The following DPP6 variants were observed in gnomAD, a reference collection of about 807,000 sequenced individuals.
The protein encoded by DPP6 is dipeptidyl peptidase like 6, also known as A-type potassium channel modulatory protein DPP6.
Under a neutral mutation model 122.6 loss-of-function variants are expected in DPP6, and 69 were observed. The ratio of observed to expected loss-of-function variants is 0.56; its 90% CI spans 0.46 to 0.69. The LOEUF is 0.69. DPP6 is among the 30% of genes least tolerant of loss of function. DPP6 has a pLI of 0.00. For missense variants in DPP6, 928 were observed against 1,116.9 expected (o/e 0.83, Z 2.41); for synonymous variants, 418 against 433.1 (o/e 0.97, Z 0.43).
At chr7:154,807,663 A>C (rs1194546756) in intron 16 of DPP6, among the ~76,000 whole-genome samples, 1 of 152,120 alleles carries the variant, frequency 6.6e-6, no homozygotes, top group Non-Finnish European at 1.5e-5. Flanking sequence ...CTCTACTAAA[A>C]ATACAAAAAT....
At position 154,490,313 on chromosome 7, in the gene DPP6, G is replaced by A. The variant is rs1261048019; in HGVS notation, c.457+15276G>A. On this transcript the variant is annotated intron_variant, in intron 3 of 25. Transcript: ENST00000377770. ...ACACCCCCAGGTGTCTCTTCCCCCG[G>A]CTCCCTCGTGCTCTCTCAAGATCAG... Among the ~76,000 whole-genome samples, 6 of 152,304 alleles carry A rather than the reference G, an allele frequency of 3.9e-5. No homozygotes were observed. The South Asian group carries it at 1.2e-3, about 32-fold the overall frequency.
chr7:154,724,175 C>G (rs921899843), intron 7 of DPP6, among the ~76,000 whole-genome samples: 1 of 152,090 alleles, frequency 6.6e-6, no homozygotes, highest in Admixed American at 6.5e-5. Context: ...CAAAAGCTCC[C>G]CAGGCCATGT....
intron 8 of DPP6, among the ~76,000 whole-genome samples, chr7:154,735,406 A>G (rs2131391028): frequency 6.6e-6 from 1 of 152,372 alleles, no homozygotes; most frequent in East Asian, 1.9e-4. Flanking sequence ...AGGATATGAA[A>G]GTAAAAGTAA....
chr7:153,938,729 AG>A (rs1801570205), intron 1 of DPP6, among the ~76,000 whole-genome samples: 1 of 152,208 alleles, frequency 6.6e-6, no homozygotes, highest in South Asian at 2.1e-4. Flanking sequence ...GTATTCCTCA[AG>A]ACCTATCCCT....
chr7:154,652,866 G>C (rs953978927), intron 6 of DPP6, among the ~76,000 whole-genome samples: 1 of 152,078 alleles, frequency 6.6e-6, no homozygotes, highest in East Asian at 1.9e-4. Context: ...ACCAGCGAAC[G>C]GCTTCAGAAA....
At chr7:154,350,864 G>T (rs1481560518) in intron 1 of DPP6, among the ~76,000 whole-genome samples, 1 of 152,144 alleles carries the variant, frequency 6.6e-6, no homozygotes, top group South Asian at 2.1e-4. Context: ...TGGTTAGGGG[G>T]CTTAGGAGCT....
At chr7:154,191,444 G>C (rs1798613606) in intron 1 of DPP6, among the ~76,000 whole-genome samples, 1 of 152,178 alleles carries the variant, frequency 6.6e-6, no homozygotes, top group Non-Finnish European at 1.5e-5. Context: ...AGAAATAAAT[G>C]AGATCATAAG....
chr7:154,839,321 C>T (rs566611343), intron 16 of DPP6, among the ~76,000 whole-genome samples: 1 of 152,208 alleles, frequency 6.6e-6, no homozygotes, highest in Non-Finnish European at 1.5e-5. Flanking sequence ...GCAGCCAACA[C>T]TGAACACTCA....
At chr7:153,973,905 G>C (rs1187587070) in intron 1 of DPP6, among the ~76,000 whole-genome samples, 18 of 150,844 alleles carry the variant, frequency 1.2e-4, no homozygotes. Flanking sequence ...GAAGGCAGGA[G>C]TTCTTAGGGA....
At chr7:154,730,714 AC>A (rs1842297379) in intron 8 of DPP6, among the ~76,000 whole-genome samples, 1 of 152,086 alleles carries the variant, frequency 6.6e-6, no homozygotes, top group Non-Finnish European at 1.5e-5. Context: ...ATAATAATGA[AC>A]CCAAGGTGTG....
intron 1 of DPP6, among the ~76,000 whole-genome samples, chr7:153,909,375 G>T (rs921174814): frequency 5.9e-5 from 9 of 152,056 alleles, no homozygotes; most frequent in African/African-American, 2.2e-4. Flanking sequence ...GGAGCAGTTG[G>T]TGTTTATGCT....
chr7:154,596,002 A>G (rs943000586), intron 5 of DPP6, among the ~76,000 whole-genome samples: 1 of 152,218 alleles, frequency 6.6e-6, no homozygotes, highest in Non-Finnish European at 1.5e-5. Flanking sequence ...CAGAGGTTAC[A>G]GTGAGCCAAG....
intron 1 of DPP6, among the ~76,000 whole-genome samples, chr7:154,375,606 T>A (rs1586095656): frequency 1.3e-5 from 2 of 152,026 alleles, no homozygotes; most frequent in East Asian, 3.9e-4. Context: ...TTTTTCTCTG[T>A]CTCCATCCAA....
At chr7:154,449,661 T>C (rs1398716843) in intron 2 of DPP6, among the ~76,000 whole-genome samples, 2 of 152,030 alleles carry the variant, frequency 1.3e-5, no homozygotes, top group South Asian at 2.1e-4. Flanking sequence ...TTAATGATAA[T>C]AGCCAAAAAA....
chr7:154,330,966 C>G (rs954329369), intron 1 of DPP6, among the ~76,000 whole-genome samples: 2 of 152,166 alleles, frequency 1.3e-5, no homozygotes, highest in Non-Finnish European at 2.9e-5. Flanking sequence ...TCCCTCAAGA[C>G]AATGAGAAGC....
chr7:153,809,535 C>G, the DPP6 span, among the ~76,000 whole-genome samples: 3 of 152,190 alleles, frequency 2.0e-5, no homozygotes, highest in Admixed American at 6.5e-5. Context: ...AATTCCTCCC[C>G]ATTCTACTCT....
intron 1 of DPP6, among the ~76,000 whole-genome samples, chr7:154,332,642 C>T (rs1385007463): frequency 2.6e-5 from 4 of 152,218 alleles, no homozygotes; most frequent in Non-Finnish European, 4.4e-5. Context: ...TTTGAAGTTC[C>T]AGGACCAAGG....
chr7:154,865,909 G>A (rs1803834395), intron 17 of DPP6, among the ~76,000 whole-genome samples: 1 of 152,140 alleles, frequency 6.6e-6, no homozygotes, highest in Non-Finnish European at 1.5e-5. Flanking sequence ...ATCTACCCCG[G>A]GTACCCAAAA....
intron 1 of DPP6, among the ~76,000 whole-genome samples, chr7:154,338,351 C>T (rs927127509): frequency 1.3e-5 from 2 of 151,934 alleles, no homozygotes; most frequent in Admixed American, 6.6e-5. Context: ...AAAGCAAATA[C>T]CTGAAGCATA....
Sources: gnomAD v4.1 joint callset for allele counts (sites outside exome capture counted in the v4.1 genomes callset) on GRCh38, gnomAD v4.1.1 for gene constraint, MANE v1.5 for transcripts, NCBI Gene and HGNC (gene_info 2026-07-23, HGNC 2026-07-21) for gene names.